The following HK2 variants were observed in gnomAD, a reference collection of about 807,000 sequenced individuals.
The protein encoded by HK2 is hexokinase 2, also known as hexokinase-2.
Under a neutral mutation model 92.9 loss-of-function variants are expected in HK2, and 42 were observed. The ratio of observed to expected loss-of-function variants is 0.45; its 90% CI spans 0.35 to 0.58. The LOEUF is 0.58. HK2 is among the 20% of genes least tolerant of loss of function. The probability of loss-of-function intolerance (pLI) is 0.00; values close to 1 mark genes in which losing one functional copy is unlikely to be tolerated. For missense variants in HK2, 978 were observed against 1,245.1 expected, an observed-to-expected ratio of 0.79 and a Z score of 3.23; for synonymous variants, 422 against 468.0, an observed-to-expected ratio of 0.90 and a Z score of 1.27.
rs984630411 is a variant in HK2, at chr2:74,892,754, T to G, written c.*1813T>G. On this transcript the variant is annotated 3_prime_UTR_variant, in exon 18 of 18. Coordinates refer to ENST00000290573, the MANE Select transcript of HK2 (RefSeq NM_000189.5). ...CTGATTATACGACTTTTAAGCAAAG[T>G]TGGGTGTAATTAGGTGAAAACAGCC... 1 of 152,152 alleles carries G rather than the reference T, an allele frequency of 6.6e-6. No homozygotes were observed. Among genetic ancestry groups the G allele is most frequent in the Non-Finnish European group, 1.5e-5 (1 of 68,024 alleles). The allele number at this position is 152,152 out of a possible 1,614,324, so 9.4% of individuals were successfully genotyped here.
At chr2:74,874,557 T>C (rs1355596684) in intron 7 of HK2, 108 bp downstream of exon 7, 6 of 1,099,962 alleles carry the variant, frequency 5.5e-6, no homozygotes, top group Non-Finnish European at 7.8e-6. Context: ...TCCCCAAAGC[T>C]TGCCAAGGTG....
chr2:74,861,896 A>C (rs1688838771), intron 2 of HK2, among the ~76,000 whole-genome samples: 1 of 152,178 alleles, frequency 6.6e-6, no homozygotes, highest in South Asian at 2.1e-4. Context: ...GCCTTATGAG[A>C]CAGAGTGAGG....
Position 74,886,590 on chromosome 2 carries a change from C to T in HK2, c.2136C>T (p.Phe712=), listed in dbSNP as rs765189381. The T allele has an allele frequency of 9.3e-6, 15 of 1,613,794 alleles. No homozygotes were observed. The East Asian group carries it at 1.3e-4, about 14-fold the overall frequency. The part of the protein sequence containing the change: ...RMCVNMEWGA[F]GDNGCLDDFR... ...GTGTGAACATGGAATGGGGGGCCTTCGGGGACAATGGATGCCTAGATGACT... is the reference window on the plus strand; with the variant it reads ...GTGTGAACATGGAATGGGGGGCCTTTGGGGACAATGGATGCCTAGATGACT... Residue 712 remains phenylalanine, a synonymous_variant, in exon 15 of 18, where the codon TTC becomes TTT. Transcript: ENST00000290573.
At chr2:74,871,472 G>A (rs925309805) in intron 3 of HK2, among the ~76,000 whole-genome samples, 1 of 152,174 alleles carries the variant, frequency 6.6e-6, no homozygotes, top group African/African-American at 2.4e-5. Flanking sequence ...CTCTTTGAGC[G>A]TGTAGGGTGG....
In HK2 at chr2:74,834,262, G is replaced by A. The variant is rs544489100; in HGVS notation, c.-319G>A. On this transcript the variant is annotated 5_prime_UTR_variant, in exon 1 of 18. Transcript: ENST00000290573. The surrounding 1 kb of genome is among the most constrained non-coding windows in gnomAD (Gnocchi z 4.2). ...GGTCCCACTGCCCGAGTGGAGCCGG[G>A]CTGAGATTCTTCTCAAGTTGAGCCT... The A allele has an allele frequency of 2.7e-4, 123 of 456,846 alleles. No individual in the cohort carries two copies. The highest frequency in any genetic ancestry group is 1.6e-3 in the African/African-American group (82 of 50,232). The allele number at this position is 456,846 out of a possible 1,614,324, so 28.3% of individuals were successfully genotyped here.
Position 74,877,267 on chromosome 2 carries a change from C to T in HK2, c.977C>T (p.Pro326Leu), listed in dbSNP as rs1200570125. The change falls in exon 8 of 18, where the codon CCA (proline) becomes CTA (leucine). Residue 326 changes from proline (P) to leucine (L), a missense_variant. Pro to Leu is a moderately conservative substitution (Grantham distance 98, BLOSUM62 -3). Transcript: ENST00000290573. ...EELLFGGKLS[P>L]ELLNTGRFET... ...CTGCTCTTTGGGGGGAAGCTCAGCC[C>T]AGAGCTTCTCAACACCGGTCGCTTT... 3.7e-6 allele frequency: 6 copies of T among 1,614,048 alleles called. No individual in the cohort carries two copies. The highest frequency in any genetic ancestry group is 1.7e-5 in the Admixed American group (1 of 60,006).
chr2:74,867,692 G>T lies in HK2; in HGVS notation c.283G>T (p.Val95Leu). The T allele has an allele frequency of 5.6e-6, 9 of 1,614,110 alleles. No individual in the cohort carries two copies. The East Asian group carries it at 6.7e-5, about 12-fold the overall frequency. ...AGGGACCAACTTCCGTGTGCTTTGGGTGAAAGTAACGGACAATGGGCTCCA... is the reference window on the plus strand; with the variant it reads ...AGGGACCAACTTCCGTGTGCTTTGGTTGAAAGTAACGGACAATGGGCTCCA... ...LGGTNFRVLWVKVTDNGLQKV... is the reference protein window; with the variant it reads ...LGGTNFRVLWLKVTDNGLQKV... The change falls in exon 3 of 18, where the codon GTG becomes TTG. Residue 95 changes from valine to leucine, a missense_variant. Transcript: ENST00000290573.
chr2:74,860,511 A>G (rs1253034580), intron 2 of HK2, among the ~76,000 whole-genome samples: 1 of 152,128 alleles, frequency 6.6e-6, no homozygotes, highest in African/African-American at 2.4e-5. Context: ...ATCGACTCAC[A>G]CAGTATTTGT....
In HK2 at chr2:74,888,056, G is replaced by C. The variant is rs1490497547; in HGVS notation, c.2373G>C (p.Glu791Asp). 6.2e-7 allele frequency: 1 copy of C among 1,614,206 alleles called. No homozygotes were observed. The highest frequency in any genetic ancestry group is 1.1e-5 in the South Asian group (1 of 91,086). Residue 791 changes from glutamate (E) to aspartate (D), a missense_variant and splice_region_variant, in exon 16 of 18, where the codon GAG becomes GAC. This residue lies in a region of HK2 where 742 missense variants were observed against 922.5 expected (regional missense o/e 0.80). Transcript: ENST00000290573. ...IFETKFLSQI[E>D]SDCLALLQVR... ...AAACCAAGTTCTTGTCTCAGATTGAGAGGTGAGAGCTTAGGGCTCAGGGTA... is the reference window on the plus strand; with the variant it reads ...AAACCAAGTTCTTGTCTCAGATTGACAGGTGAGAGCTTAGGGCTCAGGGTA...
intron 1 of HK2, among the ~76,000 whole-genome samples, chr2:74,853,692 C>T (rs769754924): frequency 6.7e-6 from 1 of 148,828 alleles, no homozygotes; most frequent in East Asian, 2.0e-4. Flanking sequence ...GAGCGATACC[C>T]TGTCAAAAAA....
chr2:74,877,416 C>T, intron 8 of HK2, 95 bp downstream of exon 8: 2 of 1,373,614 alleles, frequency 1.5e-6, no homozygotes, highest in Admixed American at 1.7e-5. Context: ...TTTGACTCTT[C>T]AAGTATAGAC....
At chr2:74,836,036 T>G (rs1347090676) in intron 1 of HK2, among the ~76,000 whole-genome samples, 1 of 152,178 alleles carries the variant, frequency 6.6e-6, no homozygotes, top group Non-Finnish European at 1.5e-5. Flanking sequence ...TGTTTGTAAA[T>G]GGCTGTTATT....
rs28363049 is a variant in HK2, at chr2:74,885,714, C to T, written c.1935+125C>T. 0.019 allele frequency: 13,637 copies of T among 736,412 alleles called. 1,267 individuals carry two copies. In the African/African-American group the frequency reaches 0.21, roughly 11 times the overall value. The allele number at this position is 736,412 out of a possible 1,614,324, so 45.6% of individuals were successfully genotyped here. On this transcript the variant is annotated intron_variant, in intron 13 of 17. Coordinates refer to ENST00000290573, the MANE Select transcript of HK2 (RefSeq NM_000189.5). ...GGGTTGGGAGGAAGATTAACTCAAG[C>T]GTCGTTCAGCAGTTTAGTGTGCACT...
At chr2:74,875,609 G>A (rs971684236) in intron 7 of HK2, among the ~76,000 whole-genome samples, 10 of 152,138 alleles carry the variant, frequency 6.6e-5, no homozygotes, top group Admixed American at 5.9e-4. Context: ...GATTACAGGC[G>A]TGAGCCACCG....
intron 5 of HK2, 24 bp downstream of exon 5, chr2:74,873,395 G>T: frequency 6.5e-7 from 1 of 1,549,700 alleles, no homozygotes; most frequent in Non-Finnish European, 8.9e-7. Context: ...CAGGAGCTTG[G>T]GGTCTGTGGG....
At position 74,887,413 on chromosome 2, in the gene HK2, C is replaced by A. The variant is rs535867448; in HGVS notation, c.2220-490C>A. Among the ~76,000 whole-genome samples, 79 of 149,038 alleles carry A rather than the reference C, an allele frequency of 5.3e-4. No individual in the cohort carries two copies. The South Asian group carries it at 0.016, about 30-fold the overall frequency. On this transcript the variant is annotated intron_variant, in intron 15 of 17. Transcript: ENST00000290573. ...AGACCCTCAAGCCACTGCATAATAA[C>A]GTTTAGTTCCAGTGGCCAGGATGGG...
At chr2:74,839,879 CTT>C (rs1258390252) in intron 1 of HK2, among the ~76,000 whole-genome samples, 1 of 150,338 alleles carries the variant, frequency 6.7e-6, no homozygotes, top group East Asian at 2.0e-4. Context: ...GTCTCGATCT[CTT>C]GACCTCGTGA....
At position 74,877,455 on chromosome 2, in the gene HK2, A is replaced by T; in HGVS notation, c.1031+134A>T. On this transcript the variant is annotated intron_variant, in intron 8 of 17. Transcript: ENST00000290573. ...AAGAGGGTCTCACATGACGTGGACC[A>T]TGGCGGGCCTGTGGCTTCACTTCAC... 3.1e-6 allele frequency: 3 copies of T among 982,248 alleles called. No homozygotes were observed. In the South Asian group the frequency reaches 4.0e-5, roughly 13 times the overall value. 60.8% of individuals were successfully genotyped at this position (982,248 alleles called of 1,614,324 possible).
Position 74,867,768 on chromosome 2 carries a change from G to A in HK2, c.359G>A (p.Arg120Gln), listed in dbSNP as rs1163770214. Residue 120 changes from arginine to glutamine, a missense_variant, in exon 3 of 18, where the codon CGA becomes CAA. Physicochemically the swap from Arg to Gln is conservative, Grantham distance 43. Coordinates refer to ENST00000290573, the MANE Select transcript of HK2 (RefSeq NM_000189.5). ...TATGCCATCCCTGAGGACATCATGCGAGGCAGTGGCACCCAGGTATGACCC... is the reference window on the plus strand; with the variant it reads ...TATGCCATCCCTGAGGACATCATGCAAGGCAGTGGCACCCAGGTATGACCC... ...QIYAIPEDIM[R>Q]GSGTQLFDHI... 1.4e-5 allele frequency: 23 copies of A among 1,614,006 alleles called. No individual in the cohort carries two copies. Among genetic ancestry groups the A allele is most frequent in the South Asian group, 6.6e-5 (6 of 91,076 alleles).
Sources: allele counts gnomAD v4.1 joint callset (sites outside exome capture counted in the v4.1 genomes callset), GRCh38; gene constraint gnomAD v4.1.1; regional missense constraint gnomAD v4.1.1; non-coding constraint Gnocchi (gnomAD v3.1); transcripts MANE v1.5; gene names NCBI Gene and HGNC (gene_info 2026-07-23, HGNC 2026-07-21).